PSG11: variants seen among roughly 807,000 people sequenced by gnomAD.
PSG11 encodes pregnancy-specific beta-1-glycoprotein 11.
PSG11 carries 42 observed loss-of-function variants against 36.0 expected under a neutral mutation model. The ratio of observed to expected loss-of-function variants is 1.17; its 90% CI spans 0.91 to 1.51. PSG11 has a LOEUF of 1.51. Among genes scored for constraint, PSG11 ranks in the 40% most tolerant of loss-of-function variants. The pLI is 0.00. For synonymous variants in PSG11, 206 were observed against 153.5 expected, an observed-to-expected ratio of 1.34 and a Z score of -2.53; for missense variants, 558 against 403.5, an observed-to-expected ratio of 1.38 and a Z score of -3.28.
intron 2 of PSG11, among the ~76,000 whole-genome samples, chr19:43,021,082 C>T (rs1235942478): frequency 1.3e-5 from 2 of 151,310 alleles, no homozygotes; most frequent in Non-Finnish European, 2.9e-5. Flanking sequence ...CTGGCCACCT[C>T]CAACTAGTCC....
At position 43,014,112 on chromosome 19, in the gene PSG11, G is replaced by T. The variant is rs992517612; in HGVS notation, c.964+1004C>A. The T allele has an allele frequency of 1.7e-4, 27 of 155,292 alleles. 2 individuals carry two copies. Among genetic ancestry groups the T allele is most frequent in the African/African-American group, 6.6e-4 (27 of 41,004 alleles). 9.6% of individuals were successfully genotyped at this position (155,292 alleles called of 1,614,324 possible). On this transcript the variant is annotated intron_variant, in intron 4 of 5. Coordinates refer to ENST00000320078, the MANE Select transcript of PSG11 (RefSeq NM_002785.3). ...GAATGGTGGGTGCTAAGTGTTAGGG[G>T]GAGAAGGAGTGAGAGTTACTGTTTA... is the stretch of plus-strand genomic sequence containing the variant.
chr19:43,015,838 C>T lies in PSG11; in HGVS notation c.710-468G>A, dbSNP rs374981232. ...GTCCCGTATTTCACATTGATAGGGT[C>T]CTGTTTCATTTCTCGTGACACTGGG... On this transcript the variant is annotated intron_variant, in intron 3 of 5. Coordinates refer to ENST00000320078, the MANE Select transcript of PSG11 (RefSeq NM_002785.3). 3.6e-4 allele frequency: 586 copies of T among 1,610,064 alleles called. 25 individuals are homozygous for T. In the East Asian group the frequency reaches 9.1e-3, roughly 25 times the overall value.
At chr19:43,018,564 C>G in intron 3 of PSG11, 1 of 1,238,660 alleles carries the variant, frequency 8.1e-7, no homozygotes, top group Non-Finnish European at 1.1e-6. Context: ...CCCTGAGCCT[C>G]CCATGACAGG....
chr19:43,017,360 A>T (rs1202319374), intron 3 of PSG11: 3 of 151,532 alleles, frequency 2.0e-5, no homozygotes, highest in Non-Finnish European at 4.4e-5. Flanking sequence ...TCAGATTAGT[A>T]GACAAAAGTG....
Position 43,017,693 on chromosome 19 carries a change from T to G in PSG11, c.709+1077A>C, listed in dbSNP as rs568035089. 28 of 151,468 alleles carry G rather than the reference T, an allele frequency of 1.8e-4. 1 individual carries two copies. The highest frequency in any genetic ancestry group is 3.5e-4 in the Non-Finnish European group (24 of 67,880). 9.4% of individuals were successfully genotyped at this position (151,468 alleles called of 1,614,324 possible). On this transcript the variant is annotated intron_variant, in intron 3 of 5. Coordinates refer to ENST00000320078, the MANE Select transcript of PSG11 (RefSeq NM_002785.3). Reference sequence around the variant, plus strand: ...GGTTGCATTGAATCTGCAACTCACTTTGGGTAGTATTGTCTTTCTAACAAT... The same window carrying G: ...GGTTGCATTGAATCTGCAACTCACTGTGGGTAGTATTGTCTTTCTAACAAT...
chr19:43,018,763 T>C lies in PSG11; in HGVS notation c.709+7A>G, dbSNP rs1318519430. The C allele has an allele frequency of 6.2e-7, 1 of 1,611,994 alleles. No individual in the cohort carries two copies. Among genetic ancestry groups the C allele is most frequent in the African/African-American group, 1.3e-5 (1 of 74,458 alleles). Reference sequence around the variant, plus strand: ...GCCTGGCTCACAGAGGAACAGAAGATACTCACGGAGGAGATTCAGGGTGAC... The same window carrying C: ...GCCTGGCTCACAGAGGAACAGAAGACACTCACGGAGGAGATTCAGGGTGAC... On this transcript the variant is annotated splice_region_variant and intron_variant, in intron 3 of 5. Coordinates refer to ENST00000320078, the MANE Select transcript of PSG11 (RefSeq NM_002785.3).
rs922271359 is a variant in PSG11, at chr19:43,010,491, T to G, written c.965-450A>C. ...CACCACCTCCTTTGCACAGAAAGCT[T>G]CTTTCCTACAGGCTCCCAGGAAGGG... On this transcript the variant is annotated intron_variant, in intron 4 of 5. Transcript: ENST00000320078. 7.1e-6 allele frequency: 7 copies of G among 989,096 alleles called. No homozygotes were observed. The Admixed American group carries it at 1.7e-4, about 25-fold the overall frequency. 61.3% of individuals were successfully genotyped at this position (989,096 alleles called of 1,614,324 possible). A position where few individuals can be genotyped will look rare whatever the true frequency, so the allele number is the denominator to read the frequency against.
chr19:43,008,243 A>C lies in PSG11; in HGVS notation c.*41-201T>G, dbSNP rs944317168. The C allele has an allele frequency of 1.6e-5, 3 of 190,930 alleles. No homozygotes were observed. In the Admixed American group the frequency reaches 1.8e-4, roughly 12 times the overall value. 11.8% of individuals were successfully genotyped at this position (190,930 alleles called of 1,614,324 possible). On this transcript the variant is annotated intron_variant, in intron 5 of 5. Coordinates refer to ENST00000320078, the MANE Select transcript of PSG11 (RefSeq NM_002785.3). Reference sequence around the variant, plus strand: ...CACTATGGTAACATATTTGATTTCCAGAAATTTCATATAATTTTTAGAACA... The same window carrying C: ...CACTATGGTAACATATTTGATTTCCCGAAATTTCATATAATTTTTAGAACA...
At position 43,024,579 on chromosome 19, in the gene PSG11, G is replaced by A. The variant is rs879079568; in HGVS notation, c.430+112C>T. 7 of 1,576,030 alleles carry A rather than the reference G, an allele frequency of 4.4e-6. No homozygotes were observed. The Admixed American group carries it at 6.8e-5, about 15-fold the overall frequency. On this transcript the variant is annotated intron_variant, in intron 2 of 5. Coordinates refer to ENST00000320078, the MANE Select transcript of PSG11 (RefSeq NM_002785.3). ...CACTAAATGCCCAAACCCCAGCATG[G>A]GACATAATGCAGAGAGGGACACAGG...
chr19:43,010,131 G>A, intron 4 of PSG11, 90 bp from the exon 5 acceptor site: 2 of 1,509,254 alleles, frequency 1.3e-6, no homozygotes, highest in Middle Eastern at 1.7e-4. Context: ...ATGAGATACT[G>A]TATAATTGTT....
intron 2 of PSG11, among the ~76,000 whole-genome samples, chr19:43,023,114 G>A (rs1459889139): frequency 3.3e-5 from 5 of 150,752 alleles, no homozygotes; most frequent in Non-Finnish European, 5.9e-5. Flanking sequence ...GGAGCCCCGA[G>A]AACCCTCTGG....
intron 4 of PSG11, among the ~76,000 whole-genome samples, chr19:43,011,138 A>C (rs1238195323): frequency 2.0e-5 from 3 of 151,100 alleles, no homozygotes; most frequent in Non-Finnish European, 4.4e-5. Flanking sequence ...ATTTGACCTC[A>C]AGGTTAATGA....
At chr19:43,023,963 A>G (rs1388474753) in intron 2 of PSG11, among the ~76,000 whole-genome samples, 3 of 151,502 alleles carry the variant, frequency 2.0e-5, no homozygotes, top group Non-Finnish European at 4.4e-5. Flanking sequence ...CCCTGTGGAC[A>G]AGCTGCTACC....
intron 4 of PSG11, among the ~76,000 whole-genome samples, chr19:43,011,046 G>A (rs956472073): frequency 6.6e-6 from 1 of 150,982 alleles, no homozygotes; most frequent in African/African-American, 2.4e-5. Context: ...CCAATGAAAA[G>A]ACAGAAGCTT....
chr19:43,010,731 C>T lies in PSG11; in HGVS notation c.965-690G>A, dbSNP rs145406710. 37 of 163,144 alleles carry T rather than the reference C, an allele frequency of 2.3e-4. 1 individual carries two copies. Among genetic ancestry groups the T allele is most frequent in the African/African-American group, 5.8e-4 (24 of 41,250 alleles). 10.1% of individuals were successfully genotyped at this position (163,144 alleles called of 1,614,324 possible). On this transcript the variant is annotated intron_variant, in intron 4 of 5. Coordinates refer to ENST00000320078, the MANE Select transcript of PSG11 (RefSeq NM_002785.3). ...CCCACATTCCCTCACAGGTGTCTTC[C>T]GTGATAAATTATCGTTTAGGTCTAA...
chr19:43,009,967 T>C lies in PSG11; in HGVS notation c.*31A>G, dbSNP rs772501777. On this transcript the variant is annotated 3_prime_UTR_variant, in exon 5 of 6. Coordinates refer to ENST00000320078, the MANE Select transcript of PSG11 (RefSeq NM_002785.3). ...GAAAAGGTCATCATACCTGCCAGTC[T>C]TCCTGAAATACAAAAATGACATCAC... 6.3e-7 allele frequency: 1 copy of C among 1,593,364 alleles called. No individual in the cohort carries two copies. Among genetic ancestry groups the C allele is most frequent in the Non-Finnish European group, 8.6e-7 (1 of 1,162,392 alleles).
Position 43,026,363 on chromosome 19 carries a change from G to T in PSG11, c.10C>A (p.Leu4Ile). ...TGCTCTGTGCAGGGAGGGGCTGAGA[G>T]GGGCCCCATGATCTCTGCTGCGTGC... MGP[L>I]SAPPCTEHIK... The change falls in exon 1 of 6, where the codon CTC (leucine) becomes ATC (isoleucine). Residue 4 changes from leucine to isoleucine, a missense_variant. Leu to Ile is a conservative substitution (Grantham distance 5). Transcript: ENST00000320078. The T allele has an allele frequency of 6.2e-7, 1 of 1,610,396 alleles. No homozygotes were observed. Among genetic ancestry groups the T allele is most frequent in the Non-Finnish European group, 8.5e-7 (1 of 1,178,140 alleles).
Position 43,009,992 on chromosome 19 carries a change from C to T in PSG11, c.*6G>A, listed in dbSNP as rs773538928. On this transcript the variant is annotated 3_prime_UTR_variant, in exon 5 of 6. Transcript: ENST00000320078. ...TTCCTGAAATACAAAAATGACATCA[C>T]GGCTGCTACGTTGGATTATTGAAAG... 3.7e-5 allele frequency: 59 copies of T among 1,606,072 alleles called. No individual in the cohort carries two copies. Among genetic ancestry groups the T allele is most frequent in the Non-Finnish European group, 4.6e-5 (54 of 1,174,078 alleles).
intron 3 of PSG11, chr19:43,015,792 A>G (rs1437812991): frequency 6.2e-7 from 1 of 1,610,464 alleles, no homozygotes; most frequent in East Asian, 2.2e-5. Context: ...TGACTGAGTC[A>G]CTGCGGATGC....
Sources: gnomAD v4.1 joint callset for allele counts (sites outside exome capture counted in the v4.1 genomes callset) on GRCh38, gnomAD v4.1.1 for gene constraint, MANE v1.5 for transcripts, NCBI Gene and HGNC (gene_info 2026-07-23, HGNC 2026-07-21) for gene names.